Variants in PDCD1LG2 observed in about 807,000 individuals in gnomAD.
PDCD1LG2 encodes B7 dendritic cell molecule.
Under a neutral mutation model 28.2 loss-of-function variants are expected in PDCD1LG2, and 32 were observed. The observed-to-expected ratio is 1.13, with a 90% confidence interval of 0.86 to 1.52. The LOEUF (loss-of-function observed/expected upper bound fraction) is 1.52, where lower values mean the gene tolerates loss of function less well. Ranked by LOEUF, PDCD1LG2 falls within the 40% of genes most tolerant of loss-of-function variation. PDCD1LG2 has a pLI of 0.00. For synonymous variants in PDCD1LG2, 116 were observed against 120.2 expected, an observed-to-expected ratio of 0.97 and a Z score of 0.23; for missense variants, 385 against 323.8, an observed-to-expected ratio of 1.19 and a Z score of -1.45.
intron 1 of PDCD1LG2, among the ~76,000 whole-genome samples, chr9:5,515,427 G>A (rs1397611685): frequency 1.3e-5 from 2 of 152,156 alleles, no homozygotes; most frequent in Non-Finnish European, 2.9e-5. Flanking sequence ...CTGAATTCTT[G>A]TCCCTTGTCC....
At chr9:5,565,386 G>A (rs182684302) in intron 6 of PDCD1LG2, among the ~76,000 whole-genome samples, 16 of 152,188 alleles carry the variant, frequency 1.1e-4, no homozygotes, top group Admixed American at 9.2e-4. Context: ...GTCTCACTAT[G>A]TTGCCCAGGA....
intron 3 of PDCD1LG2, among the ~76,000 whole-genome samples, chr9:5,543,026 C>T (rs1360617453): frequency 6.6e-6 from 1 of 151,936 alleles, no homozygotes; most frequent in African/African-American, 2.4e-5. Flanking sequence ...CCATGGAATA[C>T]TACTTAGCTA....
intron 3 of PDCD1LG2, among the ~76,000 whole-genome samples, chr9:5,537,717 T>C (rs947435860): frequency 5.3e-5 from 8 of 152,048 alleles, no homozygotes; most frequent in Non-Finnish European, 1.0e-4. Flanking sequence ...CATCACACAC[T>C]GGGGACTGTT....
intron 3 of PDCD1LG2, among the ~76,000 whole-genome samples, chr9:5,543,538 C>CAAAA (rs139524609): frequency 1.1e-4 from 8 of 73,640 alleles, no homozygotes; most frequent in Admixed American, 1.5e-4. Flanking sequence ...GACTCCGTCT[C>CAAAA]AAAAAAAAAA....
In PDCD1LG2 at chr9:5,522,591, C is replaced by T. The variant is rs755559932; in HGVS notation, c.45C>T (p.His15=). ...LLMLSLELQL[H]QIAALFTVTV... is the part of the protein sequence containing the mutation. ...TGTTGAGCCTGGAATTGCAGCTTCA[C>T]CAGATAGCAGGTAAGAAAGGACAAA... The change falls in exon 2 of 7, where the codon CAC becomes CAT. Residue 15 remains histidine (H), a synonymous_variant. Transcript: ENST00000397747. 3.1e-6 allele frequency: 5 copies of T among 1,613,528 alleles called. No individual in the cohort carries two copies. The highest frequency in any genetic ancestry group is 2.2e-5 in the South Asian group (2 of 91,034).
At chr9:5,515,037 C>T (rs1820130873) in intron 1 of PDCD1LG2, among the ~76,000 whole-genome samples, 1 of 152,136 alleles carries the variant, frequency 6.6e-6, no homozygotes, top group African/African-American at 2.4e-5. Flanking sequence ...GATTACCACC[C>T]TCATAAGTGA....
intron 5 of PDCD1LG2, among the ~76,000 whole-genome samples, chr9:5,559,394 T>C (rs1816513106): frequency 6.6e-6 from 1 of 152,222 alleles, no homozygotes; most frequent in South Asian, 2.1e-4. Context: ...CTTACATGTG[T>C]CTGCCATGCA....
intron 3 of PDCD1LG2, among the ~76,000 whole-genome samples, chr9:5,539,170 C>T (rs1444295651): frequency 2.0e-5 from 3 of 151,702 alleles, no homozygotes; most frequent in African/African-American, 7.3e-5. Flanking sequence ...TATGTTTTTC[C>T]AGTATAGAAA....
chr9:5,522,506 C>T (rs774202337), intron 1 of PDCD1LG2, 27 bp from the exon 2 acceptor site: 1 of 1,580,586 alleles, frequency 6.3e-7, no homozygotes, highest in Non-Finnish European at 8.7e-7. Flanking sequence ...TTCACAAGGC[C>T]CTGAGACTTT....
intron 6 of PDCD1LG2, among the ~76,000 whole-genome samples, chr9:5,568,731 C>T (rs954260594): frequency 1.3e-5 from 2 of 152,214 alleles, no homozygotes; most frequent in Non-Finnish European, 2.9e-5. Context: ...GCACAGTTGT[C>T]TCAGGGAGGG....
intron 3 of PDCD1LG2, among the ~76,000 whole-genome samples, chr9:5,538,064 T>C (rs1347636937): frequency 1.3e-5 from 2 of 152,068 alleles, no homozygotes; most frequent in African/African-American, 4.8e-5. Context: ...GAAGGTGAAA[T>C]TGGAAGTGAG....
At chr9:5,526,823 G>C (rs1820389130) in intron 2 of PDCD1LG2, among the ~76,000 whole-genome samples, 1 of 152,102 alleles carries the variant, frequency 6.6e-6, no homozygotes, top group Non-Finnish European at 1.5e-5. Context: ...GTTCTTTATA[G>C]TTTCCAAATC....
At chr9:5,540,682 A>G (rs1319028615) in intron 3 of PDCD1LG2, among the ~76,000 whole-genome samples, 1 of 152,204 alleles carries the variant, frequency 6.6e-6, no homozygotes, top group Non-Finnish European at 1.5e-5. Flanking sequence ...GGAACTATAA[A>G]CAGATCAATA....
At chr9:5,559,732 G>C (rs1242139153) in intron 5 of PDCD1LG2, among the ~76,000 whole-genome samples, 1 of 152,104 alleles carries the variant, frequency 6.6e-6, no homozygotes, top group Non-Finnish European at 1.5e-5. Flanking sequence ...GCTATAATAG[G>C]CTTTTAAAAA....
In PDCD1LG2 at chr9:5,557,899, T is replaced by G. The variant is rs907490697; in HGVS notation, c.766+147T>G. The stretch of plus-strand genomic sequence containing the variant: ...ACTTTGAGCTTGTCTTGATGATTAT[T>G]TTTCCCCAGAAGAAAATGGCTCTCA... On this transcript the variant is annotated intron_variant, in intron 5 of 6. Transcript: ENST00000397747. The G allele has an allele frequency of 5.9e-6, 6 of 1,023,372 alleles. No homozygotes were observed. In the African/African-American group the frequency reaches 9.8e-5, roughly 17 times the overall value. The allele number at this position is 1,023,372 out of a possible 1,614,324, so 63.4% of individuals were successfully genotyped here.
At chr9:5,534,680 A>C in intron 2 of PDCD1LG2, 65 bp from the exon 3 acceptor site, 1 of 1,455,534 alleles carries the variant, frequency 6.9e-7, no homozygotes, top group Non-Finnish European at 9.3e-7. Context: ...CTCAGGTTAC[A>C]CTTCGTAAGA....
At chr9:5,536,695 G>C (rs1820586381) in intron 3 of PDCD1LG2, among the ~76,000 whole-genome samples, 2 of 152,212 alleles carry the variant, frequency 1.3e-5, no homozygotes, top group African/African-American at 4.8e-5. Context: ...TCCTTACCTA[G>C]ATCAGGGATT....
intron 6 of PDCD1LG2, among the ~76,000 whole-genome samples, chr9:5,568,392 T>C (rs1394080257): frequency 1.3e-5 from 2 of 152,170 alleles, no homozygotes; most frequent in East Asian, 1.9e-4. Flanking sequence ...GTGAATCCTA[T>C]TGTGAACTGC....
chr9:5,559,156 C>A (rs1206999409), intron 5 of PDCD1LG2, among the ~76,000 whole-genome samples: 1 of 152,192 alleles, frequency 6.6e-6, no homozygotes, highest in African/African-American at 2.4e-5. Context: ...GGAAATAAAT[C>A]CTCTCCTCAT....
Sources: gnomAD v4.1 joint callset for allele counts (sites outside exome capture counted in the v4.1 genomes callset) on GRCh38, gnomAD v4.1.1 for gene constraint, MANE v1.5 for transcripts, NCBI Gene and HGNC (gene_info 2026-07-23, HGNC 2026-07-21) for gene names.